Variants in USP24 observed in about 807,000 individuals in gnomAD.
The protein encoded by USP24 is ubiquitin carboxyl-terminal hydrolase 24.
USP24 carries 97 observed loss-of-function variants against 361.6 expected under a neutral mutation model. The ratio of observed to expected loss-of-function variants is 0.27; its 90% CI spans 0.23 to 0.32. USP24 has a LOEUF of 0.32. Ranked by LOEUF, USP24 falls within the 10% of genes least tolerant of loss-of-function variation. USP24 has a pLI of 1.00. For missense variants in USP24, 2,353 were observed against 3,165.6 expected (o/e 0.74, Z 6.16); for synonymous variants, 1,098 against 1,124.6 (o/e 0.98, Z 0.47).
At chr1:55,075,748 C>G (rs1350586811) in intron 62 of USP24, among the ~76,000 whole-genome samples, 2 of 152,080 alleles carry the variant, frequency 1.3e-5, no homozygotes, top group Admixed American at 6.5e-5. Context: ...AGGAGGATCA[C>G]TTGAGGCCAG....
intron 40 of USP24, 51 bp from the exon 41 acceptor site, chr1:55,106,314 A>C (rs1450147160): frequency 2.8e-6 from 4 of 1,418,692 alleles, no homozygotes; most frequent in Non-Finnish European, 4.0e-6. Flanking sequence ...ATTTTAATTC[A>C]AAGATCCTAT....
At chr1:55,194,483 A>C (rs1161363248) in intron 1 of USP24, among the ~76,000 whole-genome samples, 8 of 152,296 alleles carry the variant, frequency 5.3e-5, no homozygotes, top group African/African-American at 1.4e-4. Flanking sequence ...CACACCTGTA[A>C]TCCCAGCAGT....
chr1:55,121,345 C>T, intron 37 of USP24, 91 bp downstream of exon 37: 1 of 1,195,556 alleles, frequency 8.4e-7, no homozygotes, highest in East Asian at 2.4e-5. Flanking sequence ...CAATGCCACT[C>T]CTGTATTCCC....
At chr1:55,102,129 T>G (rs1457768326) in intron 42 of USP24, among the ~76,000 whole-genome samples, 1 of 152,090 alleles carries the variant, frequency 6.6e-6, no homozygotes, top group Admixed American at 6.5e-5. Flanking sequence ...TATATATTCA[T>G]GAATTAAGGT....
chr1:55,103,094 T>C (rs1450961080), intron 42 of USP24, among the ~76,000 whole-genome samples: 1 of 152,216 alleles, frequency 6.6e-6, no homozygotes, highest in Admixed American at 6.5e-5. Context: ...CCATTTCTAG[T>C]CTGTATTCCA....
At position 55,096,501 on chromosome 1, in the gene USP24, G is replaced by T; in HGVS notation, c.6058C>A (p.Gln2020Lys). ...GGEYRPKVYD[Q>K]TNPYTDVRRR... ...ATATCCATTTGTAAATACTTACTTT[G>T]ATCATAAACTTTTGGTCTATATTCT... The change falls in exon 50 of 68, where the codon CAA (glutamine) becomes AAA (lysine). Residue 2020 changes from glutamine to lysine, a missense_variant. Transcript: ENST00000294383. 1 of 1,572,528 alleles carries T rather than the reference G, an allele frequency of 6.4e-7. No homozygotes were observed. Among genetic ancestry groups the T allele is most frequent in the South Asian group, 1.2e-5 (1 of 80,324 alleles).
chr1:55,145,165 A>G (rs529888199), intron 20 of USP24, among the ~76,000 whole-genome samples: 2 of 152,330 alleles, frequency 1.3e-5, no homozygotes, highest in South Asian at 2.1e-4. Context: ...ATATACATCC[A>G]AGAGAAATGC....
intron 43 of USP24, 76 bp downstream of exon 43, chr1:55,101,508 T>TA: frequency 2.6e-6 from 4 of 1,538,812 alleles, no homozygotes; most frequent in Non-Finnish European, 1.8e-6. Context: ...CCAAAAGCAA[T>TA]AAAAAACTAT....
intron 3 of USP24, among the ~76,000 whole-genome samples, chr1:55,174,135 G>T (rs1010880842): frequency 6.6e-6 from 1 of 152,182 alleles, no homozygotes; most frequent in African/African-American, 2.4e-5. Flanking sequence ...GGTGAAGAAG[G>T]TGGAAATGAC....
chr1:55,084,889 C>G (rs1340937393), intron 56 of USP24, among the ~76,000 whole-genome samples: 1 of 152,180 alleles, frequency 6.6e-6, no homozygotes, highest in African/African-American at 2.4e-5. Flanking sequence ...CTGACCCCAT[C>G]TCTAGGGAGG....
intron 1 of USP24, among the ~76,000 whole-genome samples, chr1:55,211,442 G>C (rs1190924771): frequency 6.6e-6 from 1 of 152,180 alleles, no homozygotes; most frequent in African/African-American, 2.4e-5. Context: ...TTAATTGGAG[G>C]ATATTAACAA....
Position 55,215,097 on chromosome 1 carries a change from T to C in USP24, c.17A>G (p.Glu6Gly). The C allele has an allele frequency of 1.5e-6, 2 of 1,312,316 alleles. No homozygotes were observed. The highest frequency in any genetic ancestry group is 2.8e-5 in the Admixed American group (1 of 35,220). 81.3% of individuals were successfully genotyped at this position (1,312,316 alleles called of 1,614,324 possible). A position where few individuals can be genotyped will look rare whatever the true frequency, so the allele number is the denominator to read the frequency against. The change falls in exon 1 of 68, where the codon GAG becomes GGG. Residue 6 changes from glutamate (E) to glycine (G), a missense_variant. Physicochemically the swap from Glu to Gly is moderately conservative, Grantham distance 98 (BLOSUM62 -2). Transcript: ENST00000294383. ...GCACAGCAGCGTGGTCATGTGCTGC[T>C]CCTCCTCCGATTCCATGGCTTGGGC... MESEE[E>G]QHMTTLLCMG...
At chr1:55,163,869 T>A (rs1223596083) in intron 7 of USP24, among the ~76,000 whole-genome samples, 1 of 151,958 alleles carries the variant, frequency 6.6e-6, no homozygotes, top group African/African-American at 2.4e-5. Context: ...CAGGGCTGCC[T>A]ACAGGATTTG....
At chr1:55,093,888 T>C in intron 52 of USP24, 49 bp downstream of exon 52, 1 of 1,607,896 alleles carries the variant, frequency 6.2e-7, no homozygotes, top group Non-Finnish European at 8.5e-7. Context: ...AGATACATTT[T>C]GATGTCCACG....
Position 55,146,878 on chromosome 1 carries a change from G to T in USP24, c.2250+51C>A, listed in dbSNP as rs79090253. The T allele has an allele frequency of 5.4e-3, 8,586 of 1,600,508 alleles. 40 individuals carry two copies. Among genetic ancestry groups the T allele is most frequent in the Non-Finnish European group, 6.7e-3 (7,873 of 1,172,864 alleles). ...AAGATGTGAGACACACAGAAAAAGT[G>T]AAATATTTAAATATTTCTGCCTTAC... On this transcript the variant is annotated intron_variant, in intron 19 of 67. Transcript: ENST00000294383.
intron 5 of USP24, among the ~76,000 whole-genome samples, chr1:55,167,185 T>C (rs868306111): frequency 1.3e-5 from 2 of 152,102 alleles, no homozygotes; most frequent in African/African-American, 4.8e-5. Flanking sequence ...ATTCAAATTG[T>C]GCTAAGTCCC....
intron 1 of USP24, among the ~76,000 whole-genome samples, chr1:55,188,084 C>T (rs1270413180): frequency 6.6e-6 from 1 of 152,050 alleles, no homozygotes; most frequent in African/African-American, 2.4e-5. Context: ...TAAATAATAC[C>T]TGGTATTTAT....
At chr1:55,181,074 A>G (rs144851415) in intron 1 of USP24, among the ~76,000 whole-genome samples, 15 of 152,056 alleles carry the variant, frequency 9.9e-5, no homozygotes, top group African/African-American at 3.6e-4. Context: ...GGAAACCTAC[A>G]TATCCTCACA....
At chr1:55,173,277 A>G (rs1481824441) in intron 3 of USP24, among the ~76,000 whole-genome samples, 1 of 152,190 alleles carries the variant, frequency 6.6e-6, no homozygotes, top group African/African-American at 2.4e-5. Context: ...TTGTTTAAGC[A>G]AATCTAAATT....
Sources: gnomAD v4.1 joint callset for allele counts (sites outside exome capture counted in the v4.1 genomes callset) on GRCh38, gnomAD v4.1.1 for gene constraint, MANE v1.5 for transcripts, NCBI Gene and HGNC (gene_info 2026-07-23, HGNC 2026-07-21) for gene names.